Variants in ELF5 observed in about 807,000 individuals in gnomAD.
The protein encoded by ELF5 is E74 like ETS transcription factor 5.
In ELF5, 31 loss-of-function variants were observed where a neutral mutation model predicts 38.2. The observed-to-expected ratio is 0.81, with a 90% CI of 0.61 to 1.10. ELF5 has a LOEUF of 1.10. Among genes scored for constraint, ELF5 ranks in the 50% least tolerant of loss-of-function variants. The pLI is 0.00. For synonymous variants in ELF5, 121 were observed against 112.5 expected (o/e 1.08, Z -0.48); for missense variants, 300 against 306.6 (o/e 0.98, Z 0.16).
In ELF5 at chr11:34,480,170, GT is replaced by G. The variant is rs149497767; in HGVS notation, c.*47del. The G allele has an allele frequency of 7.7e-4, 1,144 of 1,486,140 alleles. 12 individuals are homozygous for G. The African/African-American group carries it at 0.015, about 19-fold the overall frequency. 92.1% of individuals were successfully genotyped at this position (1,486,140 alleles called of 1,614,324 possible). On this transcript the variant is annotated 3_prime_UTR_variant, in exon 7 of 7. Transcript: ENST00000257832. Reference sequence around the variant, plus strand: ...TTCGAATGTCTATTGCAATCTGATTGTTTTAAAAGACAGAAATCCATAAAAT... The same window carrying G: ...TTCGAATGTCTATTGCAATCTGATTGTTTAAAAGACAGAAATCCATAAAAT...
chr11:34,513,200 GA>G (rs1374427086), intron 1 of ELF5, among the ~76,000 whole-genome samples: 1 of 152,068 alleles, frequency 6.6e-6, no homozygotes, highest in Admixed American at 6.6e-5. Flanking sequence ...ACAAATTCCT[GA>G]AAATGCCCCA....
At chr11:34,487,663 C>G (rs987257393) in intron 4 of ELF5, among the ~76,000 whole-genome samples, 1 of 152,070 alleles carries the variant, frequency 6.6e-6, no homozygotes, top group African/African-American at 2.4e-5. Flanking sequence ...GGCCTCAGCT[C>G]CCACCCCTCC....
chr11:34,481,676 G>A (rs906850981), intron 5 of ELF5, among the ~76,000 whole-genome samples: 12 of 152,120 alleles, frequency 7.9e-5, no homozygotes, highest in African/African-American at 2.7e-4. Flanking sequence ...CTGCAAATTC[G>A]TTTTTCATGA....
chr11:34,492,148 T>C (rs1226501682), intron 3 of ELF5: 2 of 152,270 alleles, frequency 1.3e-5, no homozygotes. Flanking sequence ...CGTTGTGACT[T>C]GGTCAAACTT....
chr11:34,485,493 T>C (rs561276129), intron 4 of ELF5, among the ~76,000 whole-genome samples: 17 of 152,202 alleles, frequency 1.1e-4, no homozygotes, highest in Admixed American at 2.0e-4. Flanking sequence ...ACAACAAGCG[T>C]TCACTGAAAT....
At chr11:34,490,152 G>T (rs1221513976) in intron 3 of ELF5, 93 bp from the exon 4 acceptor site, 2 of 1,364,046 alleles carry the variant, frequency 1.5e-6, no homozygotes, top group African/African-American at 2.9e-5. Flanking sequence ...GAAGTGGAGT[G>T]ACTGTCCCTC....
chr11:34,490,526 T>C (rs1244757908), intron 3 of ELF5, among the ~76,000 whole-genome samples: 1 of 152,156 alleles, frequency 6.6e-6, no homozygotes, highest in Admixed American at 6.5e-5. Flanking sequence ...CCCTTGGGGA[T>C]TGGAATGCCT....
chr11:34,505,790 G>A, intron 1 of ELF5, 37 bp from the exon 2 acceptor site: 1 of 1,604,224 alleles, frequency 6.2e-7, no homozygotes, highest in Non-Finnish European at 8.5e-7. Flanking sequence ...AGGCTGGGGT[G>A]AGGTACTCCT....
At chr11:34,485,834 G>A (rs960072297) in intron 4 of ELF5, among the ~76,000 whole-genome samples, 2 of 152,036 alleles carry the variant, frequency 1.3e-5, no homozygotes, top group East Asian at 1.9e-4. Context: ...CTCCACCAGC[G>A]CTGGGTGGTG....
intron 1 of ELF5, among the ~76,000 whole-genome samples, chr11:34,506,602 C>T (rs765347805): frequency 6.6e-6 from 1 of 152,108 alleles, no homozygotes; most frequent in Non-Finnish European, 1.5e-5. Context: ...CAACCTCTGC[C>T]TCCTGGGTTC....
At chr11:34,499,106 C>A (rs1196694083) in intron 2 of ELF5, among the ~76,000 whole-genome samples, 4 of 150,782 alleles carry the variant, frequency 2.7e-5, no homozygotes, top group Non-Finnish European at 5.9e-5. Context: ...AAAAAAAAAT[C>A]ATTTCCAGAC....
At chr11:34,484,332 C>CTG (rs1458418943) in intron 4 of ELF5, among the ~76,000 whole-genome samples, 9 of 151,366 alleles carry the variant, frequency 5.9e-5, no homozygotes, top group Non-Finnish European at 1.2e-4. Flanking sequence ...ATATTGTATT[C>CTG]TACTGTACAT....
At position 34,480,068 on chromosome 11, in the gene ELF5, C is replaced by A; in HGVS notation, c.*150G>T. 1 of 656,088 alleles carries A rather than the reference C, an allele frequency of 1.5e-6. No individual in the cohort carries two copies. The highest frequency in any genetic ancestry group is 2.6e-6 in the Non-Finnish European group (1 of 384,786). The allele number at this position is 656,088 out of a possible 1,614,324, so 40.6% of individuals were successfully genotyped here. A position where few individuals can be genotyped will look rare whatever the true frequency, so the allele number is the denominator to read the frequency against. Reference sequence around the variant, plus strand: ...CCCTCCATAGACAACAACTCTGAATCCAAATGTAAGCTGAGATGTGGAGAA... The same window carrying A: ...CCCTCCATAGACAACAACTCTGAATACAAATGTAAGCTGAGATGTGGAGAA... On this transcript the variant is annotated 3_prime_UTR_variant, in exon 7 of 7. Transcript: ENST00000257832.
chr11:34,503,372 C>A (rs984539020), intron 2 of ELF5, among the ~76,000 whole-genome samples: 2 of 151,986 alleles, frequency 1.3e-5, no homozygotes, highest in African/African-American at 2.4e-5. Flanking sequence ...GTTGCCCAGG[C>A]TGGTCTTAAA....
chr11:34,501,771 G>T (rs1850476875), intron 2 of ELF5, among the ~76,000 whole-genome samples: 1 of 152,092 alleles, frequency 6.6e-6, no homozygotes, highest in African/African-American at 2.4e-5. Context: ...ATCCTTTGTG[G>T]TTACCACACC....
intron 1 of ELF5, among the ~76,000 whole-genome samples, chr11:34,509,588 G>A (rs1242335796): frequency 6.6e-6 from 1 of 151,580 alleles, no homozygotes; most frequent in East Asian, 1.9e-4. Flanking sequence ...ATTTTCCCAC[G>A]GATTGGCTGG....
chr11:34,511,169 C>T (rs1161967164), intron 1 of ELF5, among the ~76,000 whole-genome samples: 1 of 152,196 alleles, frequency 6.6e-6, no homozygotes, highest in African/African-American at 2.4e-5. Context: ...ATTATATTTG[C>T]ATTTTTTTGG....
intron 4 of ELF5, among the ~76,000 whole-genome samples, chr11:34,485,293 A>T (rs889079572): frequency 2.0e-5 from 3 of 152,266 alleles, no homozygotes; most frequent in African/African-American, 7.2e-5. Flanking sequence ...TTCAATAGAC[A>T]TTTAATGAAC....
At chr11:34,501,581 C>T (rs1196769272) in intron 2 of ELF5, among the ~76,000 whole-genome samples, 3 of 152,116 alleles carry the variant, frequency 2.0e-5, no homozygotes, top group Non-Finnish European at 4.4e-5. Context: ...GCCTCCCCCC[C>T]AACCAACTCT....
Sources: gnomAD v4.1 joint callset for allele counts (sites outside exome capture counted in the v4.1 genomes callset) on GRCh38, gnomAD v4.1.1 for gene constraint, MANE v1.5 for transcripts, NCBI Gene and HGNC (gene_info 2026-07-23, HGNC 2026-07-21) for gene names.